Variants in CNKSR2 observed in about 807,000 individuals in gnomAD.
CNKSR2 encodes the protein connector enhancer of kinase suppressor of Ras 2, also known as CNK homolog protein 2.
A neutral mutation model predicts 84.4 loss-of-function variants in CNKSR2; 14 were observed. The ratio of observed to expected loss-of-function variants is 0.17; its 90% CI spans 0.11 to 0.26. The LOEUF is 0.26. CNKSR2 is among the 10% of genes least tolerant of loss of function. The pLI is 1.00. For synonymous variants in CNKSR2, 275 were observed against 277.9 expected (o/e 0.99, Z 0.10); for missense variants, 485 against 771.2 (o/e 0.63, Z 4.40).
chrX:21,587,506 A>G (rs1192784210), intron 13 of CNKSR2, among the ~76,000 whole-genome samples: 1 of 112,146 alleles, frequency 8.9e-6, no homozygotes, highest in African/African-American at 3.2e-5. Context: ...AGCACCTTAT[A>G]TGATCAGCTG....
intron 5 of CNKSR2, among the ~76,000 whole-genome samples, chrX:21,489,877 G>A (rs886816681): frequency 7.2e-5 from 8 of 111,487 alleles, no homozygotes; most frequent in Middle Eastern, 4.6e-3. Context: ...TGCCTCAGAG[G>A]GATTCAGAAT....
At chrX:21,453,901 C>T (rs1236069989) in intron 4 of CNKSR2, among the ~76,000 whole-genome samples, 3 of 111,150 alleles carry the variant, frequency 2.7e-5, no homozygotes, top group African/African-American at 9.8e-5. Context: ...TGAGAACTCA[C>T]TCACTATCAC....
At chrX:21,536,669 G>T (rs941451602) in intron 11 of CNKSR2, among the ~76,000 whole-genome samples, 3 of 110,693 alleles carry the variant, frequency 2.7e-5, no homozygotes, top group African/African-American at 9.8e-5. Flanking sequence ...TAGTTGTTCA[G>T]AATAGTCTCT....
At chrX:21,502,859 TGTAC>T (rs1334933771) in intron 8 of CNKSR2, among the ~76,000 whole-genome samples, 7 of 111,730 alleles carry the variant, frequency 6.3e-5, no homozygotes, top group Non-Finnish European at 1.3e-4. Flanking sequence ...TACTAGAAAC[TGTAC>T]AAAGTAGTTG....
chrX:21,387,192 C>T, intron 1 of CNKSR2, among the ~76,000 whole-genome samples: 1 of 112,022 alleles, frequency 8.9e-6, no homozygotes, highest in Non-Finnish European at 1.9e-5. Context: ...AAAATAAATA[C>T]AGCAGCGGGC....
intron 9 of CNKSR2, among the ~76,000 whole-genome samples, chrX:21,524,044 GTT>G (rs1214213240): frequency 2.7e-5 from 3 of 110,144 alleles, no homozygotes; most frequent in African/African-American, 9.8e-5. Context: ...TTAATGTCTA[GTT>G]TTTTTAATAT....
At chrX:21,430,833 T>G (rs1439497017) in intron 2 of CNKSR2, among the ~76,000 whole-genome samples, 1 of 112,050 alleles carries the variant, frequency 8.9e-6, no homozygotes, top group Non-Finnish European at 1.9e-5. Flanking sequence ...CTCTCCCACA[T>G]TTCACAAATA....
intron 2 of CNKSR2, among the ~76,000 whole-genome samples, chrX:21,430,426 TA>T (rs2090620120): frequency 9.0e-6 from 1 of 111,688 alleles, no homozygotes; most frequent in Non-Finnish European, 1.9e-5. Context: ...TATATAGAGA[TA>T]AACAATTTAA....
At chrX:21,512,808 T>C (rs2091687810) in intron 8 of CNKSR2, among the ~76,000 whole-genome samples, 1 of 111,318 alleles carries the variant, frequency 9.0e-6, no homozygotes. Flanking sequence ...AGATAATGAG[T>C]TTGATTTTTA....
chrX:21,603,542 G>T (rs1288384349), intron 18 of CNKSR2, among the ~76,000 whole-genome samples: 3 of 112,584 alleles, frequency 2.7e-5, no homozygotes, highest in Non-Finnish European at 3.8e-5. Context: ...TAGCTTAGAA[G>T]TGACTCTTTC....
chrX:21,382,820 TG>T (rs1385025988), intron 1 of CNKSR2, among the ~76,000 whole-genome samples: 1 of 111,855 alleles, frequency 8.9e-6, no homozygotes, highest in African/African-American at 3.2e-5. Flanking sequence ...CCTCTGATTT[TG>T]AAAAAAAGAA....
chrX:21,646,944 G>A (rs1401042668), intron 20 of CNKSR2, among the ~76,000 whole-genome samples: 2 of 111,729 alleles, frequency 1.8e-5, no homozygotes, highest in Non-Finnish European at 3.8e-5. Context: ...TATTCTAAAT[G>A]ATCATATGAT....
chrX:21,571,591 A>C (rs1287693255), intron 13 of CNKSR2, among the ~76,000 whole-genome samples: 2 of 112,032 alleles, frequency 1.8e-5, no homozygotes, highest in Non-Finnish European at 3.8e-5. Flanking sequence ...ACTGGAACAC[A>C]GAATTTACCT....
At chrX:21,379,466 G>A (rs900433864) in intron 1 of CNKSR2, among the ~76,000 whole-genome samples, 2 of 111,738 alleles carry the variant, frequency 1.8e-5, no homozygotes, top group African/African-American at 6.5e-5. Flanking sequence ...TTGGGGAACA[G>A]GAATTCTTGT....
chrX:21,587,910 A>G (rs1455237872), intron 13 of CNKSR2, among the ~76,000 whole-genome samples: 1 of 111,813 alleles, frequency 8.9e-6, no homozygotes, highest in African/African-American at 3.3e-5. Flanking sequence ...GGATTTATTA[A>G]CAGTGAAACA....
intron 9 of CNKSR2, among the ~76,000 whole-genome samples, chrX:21,517,074 A>G (rs1159718214): frequency 2.7e-5 from 3 of 111,327 alleles, no homozygotes; most frequent in African/African-American, 9.8e-5. Context: ...ATGAAATGTT[A>G]TATTAGTAAT....
chrX:21,552,062 A>G (rs1308945987), intron 11 of CNKSR2, among the ~76,000 whole-genome samples: 1 of 108,958 alleles, frequency 9.2e-6, no homozygotes, highest in Non-Finnish European at 1.9e-5. Flanking sequence ...CAATACGTTT[A>G]TCCCTAGTCG....
At chrX:21,388,229 G>A (rs1249992024) in intron 1 of CNKSR2, among the ~76,000 whole-genome samples, 2 of 111,623 alleles carry the variant, frequency 1.8e-5, no homozygotes, top group African/African-American at 6.5e-5. Context: ...GAACATATCT[G>A]GATTTAAAAG....
intron 6 of CNKSR2, chrX:21,495,287 A>G (rs1371908197): frequency 9.0e-6 from 1 of 111,523 alleles, no homozygotes; most frequent in Non-Finnish European, 1.9e-5. Flanking sequence ...TATCTCTAAA[A>G]CAGAGATAAT....
Sources: gnomAD v4.1 joint callset for allele counts (sites outside exome capture counted in the v4.1 genomes callset) on GRCh38, gnomAD v4.1.1 for gene constraint, MANE v1.5 for transcripts, NCBI Gene and HGNC (gene_info 2026-07-23, HGNC 2026-07-21) for gene names.